Variants in CSTF3 observed in about 807,000 individuals in gnomAD.
CSTF3 encodes the protein cleavage stimulation factor subunit 3, also known as CF-1 77 kDa subunit.
In CSTF3, 29 loss-of-function variants were observed where a neutral mutation model predicts 105.8. The ratio of observed to expected loss-of-function variants is 0.27; its 90% confidence interval spans 0.20 to 0.37. The LOEUF is 0.37. Ranked by LOEUF, CSTF3 falls within the 10% of genes least tolerant of loss-of-function variation. CSTF3 has a pLI of 1.00. For synonymous variants in CSTF3, 252 were observed against 281.9 expected (o/e 0.89, Z 1.06); for missense variants, 357 against 879.3 (o/e 0.41, Z 7.51).
intron 8 of CSTF3, among the ~76,000 whole-genome samples, 193 bp from the exon 9 acceptor site, chr11:33,103,377 A>G (rs2133776281): frequency 6.6e-6 from 1 of 152,316 alleles, no homozygotes; most frequent in Admixed American, 6.5e-5. Context: ...AAGATCAAGG[A>G]GGATGTGCTT....
chr11:33,128,545 C>T (rs1315453601), intron 3 of CSTF3, among the ~76,000 whole-genome samples: 2 of 152,096 alleles, frequency 1.3e-5, no homozygotes, highest in Non-Finnish European at 2.9e-5. Context: ...ACTTATTAAC[C>T]TAGCAATTAT....
chr11:33,136,508 A>G (rs1009351873), intron 3 of CSTF3, among the ~76,000 whole-genome samples: 2 of 152,036 alleles, frequency 1.3e-5, no homozygotes, highest in African/African-American at 4.8e-5. Flanking sequence ...CCAAAGGAAT[A>G]GCTGTTTCAA....
chr11:33,099,240 T>G lies in CSTF3; in HGVS notation c.937-90A>C. 2 of 1,453,502 alleles carry G rather than the reference T, an allele frequency of 1.4e-6. No individual in the cohort carries two copies. The highest frequency in any genetic ancestry group is 2.6e-5 in the South Asian group (2 of 75,658). 90.0% of individuals were successfully genotyped at this position (1,453,502 alleles called of 1,614,324 possible). ...ATAAAGTTACATCTACTTTATTTTA[T>G]TTATGTGTCTAAGAAAGCATACATG... On this transcript the variant is annotated intron_variant, in intron 11 of 20. Coordinates refer to ENST00000323959, the MANE Select transcript of CSTF3 (RefSeq NM_001326.3). This position sits in a 1 kb window ranked among gnomAD's most constrained non-coding sequence, Gnocchi z 4.1.
chr11:33,111,584 G>T (rs1024774013), intron 3 of CSTF3, among the ~76,000 whole-genome samples: 2 of 152,112 alleles, frequency 1.3e-5, no homozygotes, highest in African/African-American at 4.8e-5. Context: ...GATACGGGTG[G>T]ATGCAAAAAT....
At chr11:33,144,979 A>T (rs1473498936) in intron 1 of CSTF3, 2 of 122,704 alleles carry the variant, frequency 1.6e-5, no homozygotes, top group Non-Finnish European at 3.0e-5. Context: ...CCTGTCTTTA[A>T]AAAAAAAAAA....
At chr11:33,090,462 G>T in intron 17 of CSTF3, 70 bp downstream of exon 17, 1 of 896,896 alleles carries the variant, frequency 1.1e-6, no homozygotes, top group Non-Finnish European at 1.6e-6. Context: ...TTAGAGTGCA[G>T]GTTATCAATG....
chr11:33,124,019 G>A (rs918343638), intron 3 of CSTF3, among the ~76,000 whole-genome samples: 2 of 151,634 alleles, frequency 1.3e-5, no homozygotes, highest in African/African-American at 4.8e-5. Flanking sequence ...TCTCAAAACC[G>A]TATTCCAAAA....
rs541763248 is a variant in CSTF3, at chr11:33,150,235, A to G, written c.28-8249T>C. 4.6e-4 allele frequency among the ~76,000 whole-genome samples: 49 copies of G among 106,540 alleles called. 1 individual carries two copies. The highest frequency in any genetic ancestry group is 4.3e-3 in the South Asian group (13 of 3,046). 69.9% of individuals were successfully genotyped at this position (106,540 alleles called of 152,430 possible). A position where few individuals can be genotyped will look rare whatever the true frequency, so the allele number is the denominator to read the frequency against. On this transcript the variant is annotated intron_variant, in intron 1 of 20. Transcript: ENST00000323959. The stretch of plus-strand genomic sequence containing the variant: ...GTCTCAAACTAAAAAAAAAAAAAAA[A>G]AAAAGAAAAGAAAAGAAAAGAAAAC...
intron 3 of CSTF3, among the ~76,000 whole-genome samples, chr11:33,131,781 G>C (rs1014133221): frequency 6.6e-6 from 1 of 152,300 alleles, no homozygotes; most frequent in African/African-American, 2.4e-5. Context: ...GAACCCGGGA[G>C]GTGGAGCCTG....
intron 1 of CSTF3, among the ~76,000 whole-genome samples, chr11:33,153,530 TG>T (rs1420731624): frequency 6.6e-6 from 1 of 151,996 alleles, no homozygotes. Context: ...CTCAGCACTT[TG>T]GGAGGCTGAG....
At chr11:33,154,872 T>C (rs1480672685) in intron 1 of CSTF3, among the ~76,000 whole-genome samples, 1 of 152,122 alleles carries the variant, frequency 6.6e-6, no homozygotes, top group Non-Finnish European at 1.5e-5. Context: ...ATGTGACAGG[T>C]GTCACAATGA....
intron 1 of CSTF3, chr11:33,156,819 A>G (rs903174415): frequency 1.1e-5 from 4 of 377,800 alleles, no homozygotes; most frequent in African/African-American, 4.3e-5. Flanking sequence ...TAGTAAATAA[A>G]TAATTTTTTT....
chr11:33,100,354 C>CAAA (rs71034652), intron 10 of CSTF3, among the ~76,000 whole-genome samples: 6 of 127,042 alleles, frequency 4.7e-5, no homozygotes, highest in Admixed American at 8.3e-5. Context: ...GACTCCATCT[C>CAAA]AAAAAAAAAA....
chr11:33,091,329 T>A (rs548078425), intron 16 of CSTF3, among the ~76,000 whole-genome samples: 3 of 152,356 alleles, frequency 2.0e-5, no homozygotes, highest in Non-Finnish European at 4.4e-5. Context: ...TACTTAAATG[T>A]CATTATGCAC....
intron 3 of CSTF3, among the ~76,000 whole-genome samples, chr11:33,121,324 C>T (rs1241691226): frequency 3.3e-5 from 5 of 151,996 alleles, no homozygotes; most frequent in Non-Finnish European, 7.4e-5. Flanking sequence ...CTTCAGTCTA[C>T]GTACTTATCT....
In CSTF3 at chr11:33,099,681, C is replaced by G; in HGVS notation, c.863G>C (p.Gly288Ala). The change falls in exon 11 of 21, where the codon GGC (glycine) becomes GCC (alanine). Residue 288 changes from glycine to alanine, a missense_variant. Physicochemically the swap from Gly to Ala is moderately conservative, Grantham distance 60. Around this residue, in one of 4 missense-constraint regions of CSTF3, gnomAD observed 206 missense variants for 576.5 expected, o/e 0.36. Coordinates refer to ENST00000323959, the MANE Select transcript of CSTF3 (RefSeq NM_001326.3). The surrounding 1 kb of genome is among the most constrained non-coding windows in gnomAD (Gnocchi z 4.1). ...FAYEQCLLVL[G>A]HHPDIWYEAA... Reference sequence around the variant, plus strand: ...TTCATACCAAATATCAGGGTGATGGCCCAGCACAAGCAGGCACTGTTCATA... The same window carrying G: ...TTCATACCAAATATCAGGGTGATGGGCCAGCACAAGCAGGCACTGTTCATA... 6.2e-7 allele frequency: 1 copy of G among 1,611,488 alleles called. No individual in the cohort carries two copies. Among genetic ancestry groups the G allele is most frequent in the Non-Finnish European group, 8.5e-7 (1 of 1,178,912 alleles).
intron 3 of CSTF3, among the ~76,000 whole-genome samples, chr11:33,113,696 G>C (rs945834582): frequency 3.3e-5 from 5 of 151,528 alleles, no homozygotes; most frequent in Non-Finnish European, 4.4e-5. Context: ...TTTTTTAATA[G>C]AAGAGTATGA....
At position 33,142,016 on chromosome 11, in the gene CSTF3, G is replaced by A; in HGVS notation, c.28-30C>T. 1.9e-6 allele frequency: 3 copies of A among 1,612,952 alleles called. No individual in the cohort carries two copies. In the South Asian group the frequency reaches 3.3e-5, roughly 18 times the overall value. The stretch of plus-strand genomic sequence containing the variant: ...GGAAAAAAAACAACAGTGAACTAAA[G>A]TTACTGTTTTAAAAATCTCATGCCT... On this transcript the variant is annotated intron_variant, in intron 1 of 20. Transcript: ENST00000323959.
At chr11:33,086,865 T>C (rs1006498283) in intron 18 of CSTF3, 123 bp downstream of exon 18, 15 of 1,081,544 alleles carry the variant, frequency 1.4e-5, no homozygotes, top group East Asian at 2.4e-5. Context: ...TCACTTGTCA[T>C]AGTGATCCTA....
Sources: gnomAD v4.1 joint callset for allele counts (sites outside exome capture counted in the v4.1 genomes callset) on GRCh38, gnomAD v4.1.1 for gene constraint, gnomAD v4.1.1 regional missense constraint, Gnocchi (gnomAD v3.1) non-coding constraint, MANE v1.5 for transcripts, NCBI Gene and HGNC (gene_info 2026-07-23, HGNC 2026-07-21) for gene names.